The following GAS2 variants were observed in gnomAD, a reference collection of about 807,000 sequenced individuals.
GAS2 encodes growth arrest specific 2, also known as growth arrest-specific protein 2.
GAS2 carries 20 observed loss-of-function variants against 37.5 expected under a neutral mutation model. The ratio of observed to expected loss-of-function variants is 0.53; its 90% CI spans 0.37 to 0.77. The LOEUF (loss-of-function observed/expected upper bound fraction) is 0.77. GAS2 is among the 30% of genes least tolerant of loss of function. The pLI, the probability that GAS2 is intolerant of heterozygous loss-of-function variation, is 0.00. For synonymous variants in GAS2, 144 were observed against 132.2 expected (o/e 1.09, Z -0.61); for missense variants, 336 against 373.4 (o/e 0.90, Z 0.82).
At chr11:22,665,638 C>T (rs955636964), upstream of GAS2, among the ~76,000 whole-genome samples, 2 of 152,106 alleles carry the variant, frequency 1.3e-5, no homozygotes, top group East Asian at 1.9e-4. Context: ...ATAAAAAGTT[C>T]GGAGTTCAAG....
chr11:22,683,370 A>G (rs184338699), intron 2 of GAS2, among the ~76,000 whole-genome samples: 1 of 152,024 alleles, frequency 6.6e-6, no homozygotes, highest in Non-Finnish European at 1.5e-5. Flanking sequence ...GGTTCAAGCC[A>G]CTCTCCTGCC....
intron 7 of GAS2, among the ~76,000 whole-genome samples, chr11:22,788,501 T>A (rs1322048243): frequency 6.6e-6 from 1 of 152,124 alleles, no homozygotes; most frequent in Non-Finnish European, 1.5e-5. Context: ...CCCCTACTTG[T>A]GAGAACCAAA....
At chr11:22,804,397 C>T (rs953566929) in intron 7 of GAS2, among the ~76,000 whole-genome samples, 5 of 152,000 alleles carry the variant, frequency 3.3e-5, no homozygotes, top group Non-Finnish European at 4.4e-5. Context: ...CATTAGATAC[C>T]TTGCTTGACA....
At chr11:22,630,440 A>T (rs899556628) in intron 1 of GAS2, among the ~76,000 whole-genome samples, 1 of 152,352 alleles carries the variant, frequency 6.6e-6, no homozygotes, top group East Asian at 1.9e-4. Flanking sequence ...AAAAGCCAAA[A>T]TTGACAAATG....
rs115748088 is a variant in GAS2 at position 22,755,502 on chromosome 11, T to C, written c.616-344T>C. 5.2e-3 allele frequency: 876 copies of C among 168,724 alleles called. 15 individuals are homozygous for C. The highest frequency in any genetic ancestry group is 0.019 in the African/African-American group (790 of 42,064). The allele number at this position is 168,724 out of a possible 1,614,324, so 10.5% of individuals were successfully genotyped here. ...ATTCTGGTTTTCAATAGGTTGACCT[T>C]GACAACCCAAATGTGCATGGTCTTT... is the stretch of plus-strand genomic sequence containing the variant. On this transcript the variant is annotated intron_variant, in intron 6 of 7. Coordinates refer to ENST00000454584, the MANE Select transcript of GAS2 (RefSeq NM_001143830.3).
At chr11:22,652,349 C>G (rs553131143) in intron 1 of GAS2, among the ~76,000 whole-genome samples, 1 of 152,232 alleles carries the variant, frequency 6.6e-6, no homozygotes, top group African/African-American at 2.4e-5. Context: ...CCATTTAAGT[C>G]TGCAGAGATT....
intron 1 of GAS2, among the ~76,000 whole-genome samples, chr11:22,652,309 C>G (rs1848787635): frequency 6.6e-6 from 1 of 152,174 alleles, no homozygotes; most frequent in Admixed American, 6.5e-5. Context: ...CTGGGAAAAC[C>G]ACTGCTCTCT....
At chr11:22,674,541 C>T (rs1339578383) in intron 1 of GAS2, among the ~76,000 whole-genome samples, 3 of 152,132 alleles carry the variant, frequency 2.0e-5, no homozygotes, top group Non-Finnish European at 1.5e-5. Flanking sequence ...AACTTTTTCT[C>T]GTGTTTCAAT....
At chr11:22,692,167 G>T (rs337477) in intron 3 of GAS2, among the ~76,000 whole-genome samples, 2 of 151,872 alleles carry the variant, frequency 1.3e-5, no homozygotes, top group Non-Finnish European at 2.9e-5. Context: ...TGGGGGTGGG[G>T]GAGCGGAAAG....
intron 1 of GAS2, chr11:22,668,177 A>G (rs1262030955): frequency 6.6e-6 from 1 of 152,218 alleles, no homozygotes; most frequent in Non-Finnish European, 1.5e-5. Flanking sequence ...CAGTGTGGAC[A>G]CTGATTAACT....
At chr11:22,745,774 T>C (rs1194293466) in intron 5 of GAS2, among the ~76,000 whole-genome samples, 1 of 151,954 alleles carries the variant, frequency 6.6e-6, no homozygotes, top group Non-Finnish European at 1.5e-5. Flanking sequence ...TCATTAAAAT[T>C]TGGGCAAAAG....
chr11:22,687,804 G>A (rs2133954398), intron 3 of GAS2, among the ~76,000 whole-genome samples: 1 of 152,286 alleles, frequency 6.6e-6, no homozygotes, highest in Non-Finnish European at 1.5e-5. Context: ...GTAAAGCAAT[G>A]AACAGAGGGA....
intron 1 of GAS2, among the ~76,000 whole-genome samples, chr11:22,660,530 T>C (rs1239145943): frequency 6.6e-6 from 1 of 152,188 alleles, no homozygotes. Flanking sequence ...TTTACAGATG[T>C]GAAAACTGAT....
chr11:22,808,478 T>C (rs187269524), intron 7 of GAS2, among the ~76,000 whole-genome samples: 2 of 152,366 alleles, frequency 1.3e-5, no homozygotes, highest in East Asian at 3.9e-4. Context: ...TGTTTCATGC[T>C]GTATCCACTT....
At chr11:22,626,753 G>C (rs1314971929) in intron 1 of GAS2, 1 of 152,144 alleles carries the variant, frequency 6.6e-6, no homozygotes, top group Non-Finnish European at 1.5e-5. Context: ...TCGAAAAGTG[G>C]GGGAAGGTGT....
At chr11:22,680,544 T>C (rs1849630849) in intron 2 of GAS2, among the ~76,000 whole-genome samples, 2 of 152,150 alleles carry the variant, frequency 1.3e-5, no homozygotes, top group Non-Finnish European at 2.9e-5. Context: ...AAATAGAATT[T>C]GATAGTATCT....
rs34167397 is a variant in GAS2 at position 22,683,665 on chromosome 11, C to CT, written c.146-1990dup. On this transcript the variant is annotated intron_variant, in intron 2 of 7. Transcript: ENST00000454584. ...TTGGTATAAAACTTTAAAATAATTT[C>CT]TTTTTTTTTTTTTGCTTTTGACTTA... Among the ~76,000 whole-genome samples, 646 of 144,620 alleles carry CT rather than the reference C, an allele frequency of 4.5e-3. 5 individuals carry two copies. Among genetic ancestry groups the CT allele is most frequent in the Middle Eastern group, 0.014 (4 of 278 alleles). 94.9% of individuals were successfully genotyped at this position (144,620 alleles called of 152,430 possible). A position where few individuals can be genotyped will look rare whatever the true frequency, so the allele number is the denominator to read the frequency against.
At chr11:22,701,416 G>T (rs1850834473) in intron 3 of GAS2, among the ~76,000 whole-genome samples, 1 of 152,128 alleles carries the variant, frequency 6.6e-6, no homozygotes, top group South Asian at 2.1e-4. Flanking sequence ...AGATAGTTGT[G>T]ATTTAAAGGG....
chr11:22,795,614 G>C (rs900050504), intron 7 of GAS2, among the ~76,000 whole-genome samples: 16 of 152,150 alleles, frequency 1.1e-4, no homozygotes, highest in Non-Finnish European at 2.4e-4. Context: ...CAGTGTGGCT[G>C]TCACAGAGCA....
Sources: gnomAD v4.1 joint callset for allele counts (sites outside exome capture counted in the v4.1 genomes callset) on GRCh38, gnomAD v4.1.1 for gene constraint, MANE v1.5 for transcripts, NCBI Gene and HGNC (gene_info 2026-07-23, HGNC 2026-07-21) for gene names.